GMDS: variants seen among roughly 807,000 people sequenced by gnomAD.
GMDS encodes the protein GDP-mannose 4,6 dehydratase.
Under a neutral mutation model 49.9 loss-of-function variants are expected in GMDS, and 20 were observed. That is an observed-to-expected ratio of 0.40 (90% confidence interval 0.28 to 0.58). The LOEUF (loss-of-function observed/expected upper bound fraction) is 0.58. GMDS is among the 20% of genes least tolerant of loss of function. The pLI is 0.42. For missense variants in GMDS, 362 were observed against 481.4 expected (o/e 0.75, Z 2.32); for synonymous variants, 177 against 178.6 (o/e 0.99, Z 0.07).
At chr6:1,687,862 G>A (rs752294453) in intron 9 of GMDS, among the ~76,000 whole-genome samples, 4 of 152,144 alleles carry the variant, frequency 2.6e-5, no homozygotes, top group Non-Finnish European at 4.4e-5. Context: ...GGAGCTAAGC[G>A]GGGTGAGGTT....
At chr6:1,924,231 CAG>C (rs1312026217) in intron 7 of GMDS, among the ~76,000 whole-genome samples, 3 of 152,174 alleles carry the variant, frequency 2.0e-5, no homozygotes, top group African/African-American at 7.2e-5. Flanking sequence ...TGTTATGATT[CAG>C]TCTGTGCTCA....
rs563437388 is a variant in GMDS at position 1,861,618 on chromosome 6, C to CAA, written c.771+68483_771+68484dup. 8.3e-5 allele frequency among the ~76,000 whole-genome samples: 9 copies of CAA among 108,042 alleles called. No individual in the cohort carries two copies. In the East Asian group the frequency reaches 9.7e-4, roughly 12 times the overall value. 70.9% of individuals were successfully genotyped at this position (108,042 alleles called of 152,430 possible). A position where few individuals can be genotyped will look rare whatever the true frequency, so the allele number is the denominator to read the frequency against. On this transcript the variant is annotated intron_variant, in intron 7 of 10. Transcript: ENST00000380815. ...TAGAGGGCATCACTGCTCTTTCTCC[C>CAA]AAAAAAAAAAAAAAGAAAAAAAAAT...
At chr6:1,663,593 C>T (rs538753041) in intron 9 of GMDS, among the ~76,000 whole-genome samples, 81 of 152,288 alleles carry the variant, frequency 5.3e-4, no homozygotes, top group African/African-American at 1.8e-3. Context: ...CTACCACTGG[C>T]CTGCACCGCC....
intron 9 of GMDS, among the ~76,000 whole-genome samples, chr6:1,639,601 G>A (rs1763266834): frequency 6.6e-6 from 1 of 152,236 alleles, no homozygotes; most frequent in African/African-American, 2.4e-5. Context: ...TCAGATCCAA[G>A]CTGAGGCCGG....
At chr6:1,878,031 C>CT (rs1480426043) in intron 7 of GMDS, among the ~76,000 whole-genome samples, 1 of 152,038 alleles carries the variant, frequency 6.6e-6, no homozygotes, top group African/African-American at 2.4e-5. Flanking sequence ...TTAAGAAGTC[C>CT]TGCTGGGCGC....
intron 7 of GMDS, among the ~76,000 whole-genome samples, chr6:1,744,213 T>C (rs1344867192): frequency 6.6e-6 from 1 of 152,228 alleles, no homozygotes; most frequent in Non-Finnish European, 1.5e-5. Flanking sequence ...TATTACAAGA[T>C]TGTTTTAAAT....
chr6:1,632,012 T>C (rs1268372977), intron 9 of GMDS, among the ~76,000 whole-genome samples: 3 of 152,208 alleles, frequency 2.0e-5, no homozygotes. Flanking sequence ...TCAGAGGGTT[T>C]TGTCAGGTGT....
intron 7 of GMDS, among the ~76,000 whole-genome samples, chr6:1,853,407 A>G (rs190945762): frequency 1.4e-5 from 2 of 145,040 alleles, no homozygotes; most frequent in African/African-American, 5.6e-5. Flanking sequence ...AGTCCCAGCT[A>G]CTGGGGAGGC....
In GMDS at chr6:1,774,594, G is replaced by C. The variant is rs554292613; in HGVS notation, c.772-32008C>G. Among the ~76,000 whole-genome samples the C allele has an allele frequency of 4.3e-4, 65 of 152,336 alleles. 1 individual carries two copies. The highest frequency in any genetic ancestry group is 1.4e-3 in the African/African-American group (58 of 41,582). ...CAGACACACAGACAAACATGTACAA[G>C]AATGCACACACTCGTCCTTCTGTCT... is the stretch of plus-strand genomic sequence containing the variant. On this transcript the variant is annotated intron_variant, in intron 7 of 10. Transcript: ENST00000380815.
intron 7 of GMDS, among the ~76,000 whole-genome samples, chr6:1,827,076 A>G (rs1167750702): frequency 1.8e-5 from 2 of 111,116 alleles, no homozygotes; most frequent in Non-Finnish European, 3.7e-5. Context: ...AAAAAAATAT[A>G]TATGTGTGTG....
intron 1 of GMDS, among the ~76,000 whole-genome samples, chr6:2,165,862 A>G (rs938525901): frequency 6.6e-6 from 1 of 152,254 alleles, no homozygotes; most frequent in African/African-American, 2.4e-5. Flanking sequence ...AAACACAGAC[A>G]TTCCACGTAG....
At chr6:2,180,120 A>G (rs1326579870) in intron 1 of GMDS, among the ~76,000 whole-genome samples, 5 of 152,222 alleles carry the variant, frequency 3.3e-5, no homozygotes, top group Non-Finnish European at 5.9e-5. Context: ...ATGCAGGAGG[A>G]AAACAAAGCC....
intron 4 of GMDS, among the ~76,000 whole-genome samples, chr6:1,973,575 G>T (rs1437464378): frequency 1.3e-5 from 2 of 151,856 alleles, no homozygotes; most frequent in African/African-American, 2.4e-5. Flanking sequence ...TAGTAATTTG[G>T]GGACAAATAA....
chr6:2,147,249 A>G (rs546421329), intron 1 of GMDS, among the ~76,000 whole-genome samples: 1 of 152,332 alleles, frequency 6.6e-6, no homozygotes, highest in East Asian at 1.9e-4. Flanking sequence ...GCCAAAATGC[A>G]AGAGCGATGG....
At chr6:2,238,892 T>C (rs370925592) in intron 1 of GMDS, among the ~76,000 whole-genome samples, 2 of 152,262 alleles carry the variant, frequency 1.3e-5, no homozygotes, top group Admixed American at 6.5e-5. Context: ...TCATTTGATA[T>C]GTCCTACAAA....
chr6:1,984,148 C>CTT (rs1335153306), intron 4 of GMDS, among the ~76,000 whole-genome samples: 4 of 152,122 alleles, frequency 2.6e-5, no homozygotes. Flanking sequence ...TGTGTTCTCA[C>CTT]TTATAAGTGG....
chr6:1,873,279 C>T (rs974220889), intron 7 of GMDS, among the ~76,000 whole-genome samples: 3 of 152,190 alleles, frequency 2.0e-5, no homozygotes, highest in African/African-American at 4.8e-5. Flanking sequence ...GCCTGTCAGA[C>T]GGTGTTTGCA....
intron 1 of GMDS, among the ~76,000 whole-genome samples, chr6:2,169,084 G>A (rs185735533): frequency 6.3e-4 from 95 of 151,978 alleles, no homozygotes; most frequent in Middle Eastern, 3.4e-3. Flanking sequence ...TCTTTCCAGA[G>A]GGAAAAAAAA....
chr6:2,170,034 T>A (rs1777891256), intron 1 of GMDS, among the ~76,000 whole-genome samples: 1 of 151,972 alleles, frequency 6.6e-6, no homozygotes, highest in South Asian at 2.1e-4. Flanking sequence ...AGAAACCCCA[T>A]CTCTATTAAA....
Sources: allele counts gnomAD v4.1 joint callset (sites outside exome capture counted in the v4.1 genomes callset), GRCh38; gene constraint gnomAD v4.1.1; transcripts MANE v1.5; gene names NCBI Gene and HGNC (gene_info 2026-07-23, HGNC 2026-07-21).